The following WAC variants were observed in gnomAD, a reference collection of about 807,000 sequenced individuals.
The protein encoded by WAC is WW domain-containing adapter protein with coiled-coil.
A neutral mutation model predicts 79.6 loss-of-function variants in WAC; 11 were observed. The observed-to-expected ratio is 0.14, with a 90% confidence interval of 0.09 to 0.23. The LOEUF (loss-of-function observed/expected upper bound fraction) is 0.23, where lower values mean the gene tolerates loss of function less well. Ranked by LOEUF, WAC falls within the 10% of genes least tolerant of loss-of-function variation. WAC has a pLI of 1.00. For synonymous variants in WAC, 304 were observed against 276.9 expected (o/e 1.10, Z -0.97); for missense variants, 728 against 773.5 (o/e 0.94, Z 0.70).
chr10:28,588,744 A>G (rs1839942353), intron 4 of WAC: 1 of 152,138 alleles, frequency 6.6e-6, no homozygotes. Flanking sequence ...TAATTTTTCT[A>G]AATTGACAAT....
chr10:28,609,928 T>A (rs1841147601), intron 8 of WAC, among the ~76,000 whole-genome samples: 2 of 143,262 alleles, frequency 1.4e-5, no homozygotes, highest in South Asian at 4.4e-4. Context: ...CCTAAATACT[T>A]TTTTTTTTTT....
intron 8 of WAC, 54 bp from the exon 9 acceptor site, chr10:28,610,645 A>G: frequency 6.6e-7 from 1 of 1,525,008 alleles, no homozygotes; most frequent in Non-Finnish European, 8.8e-7. Flanking sequence ...GTTGTTACTA[A>G]TGCCACATAA....
chr10:28,608,704 C>T (rs1198216043), intron 8 of WAC: 4 of 361,308 alleles, frequency 1.1e-5, no homozygotes, highest in Non-Finnish European at 2.0e-5. Context: ...GTAAGCCATT[C>T]TATATACATA....
rs1409217811 is a variant in WAC at position 28,622,955 on chromosome 10, G to T, written c.*3349G>T. ...TACCTGTAAATATGGCTATATTCTT[G>T]TATTTGTACGGGAGTGTACAAAATG... On this transcript the variant is annotated 3_prime_UTR_variant, in exon 14 of 14. Coordinates refer to ENST00000354911, the MANE Select transcript of WAC (RefSeq NM_016628.5). 1 of 152,088 alleles carries T rather than the reference G, an allele frequency of 6.6e-6. No homozygotes were observed. Among genetic ancestry groups the T allele is most frequent in the Admixed American group, 6.6e-5 (1 of 15,260 alleles). 9.4% of individuals were successfully genotyped at this position (152,088 alleles called of 1,614,324 possible).
chr10:28,583,844 T>C (rs901038693), intron 4 of WAC, among the ~76,000 whole-genome samples: 2 of 152,174 alleles, frequency 1.3e-5, no homozygotes, highest in African/African-American at 4.8e-5. Flanking sequence ...GCTTACTTTC[T>C]TTCCATAGTG....
Position 28,545,999 on chromosome 10 carries a change from C to G in WAC, c.274+10242C>G, listed in dbSNP as rs148224939. ...GTTAGTAGAGTATACTTAGGCTGAT[C>G]TTAGGTGTTAACAAAAGATTTCCTA... is the stretch of plus-strand genomic sequence containing the variant. On this transcript the variant is annotated intron_variant, in intron 3 of 13. Coordinates refer to ENST00000354911, the MANE Select transcript of WAC (RefSeq NM_016628.5). 3.5e-3 allele frequency among the ~76,000 whole-genome samples: 530 copies of G among 152,262 alleles called. 4 individuals are homozygous for G. The highest frequency in any genetic ancestry group is 0.012 in the African/African-American group (479 of 41,544).
intron 3 of WAC, among the ~76,000 whole-genome samples, chr10:28,538,596 A>G (rs1211454270): frequency 1.3e-5 from 2 of 151,338 alleles, no homozygotes; most frequent in African/African-American, 4.9e-5. Flanking sequence ...AAAAAAAAAA[A>G]AAAAAGAATT....
intron 3 of WAC, 40 bp from the exon 4 acceptor site, chr10:28,583,359 C>A: frequency 7.1e-7 from 1 of 1,405,674 alleles, no homozygotes; most frequent in Non-Finnish European, 9.7e-7. Context: ...ACATGAAATA[C>A]AGTTTACTTG....
chr10:28,541,411 G>A lies in WAC; in HGVS notation c.274+5654G>A. Among the ~76,000 whole-genome samples, 2 of 71,720 alleles carry A rather than the reference G, an allele frequency of 2.8e-5. 1 individual carries two copies. The highest frequency in any genetic ancestry group is 8.9e-5 in the African/African-American group (2 of 22,376). 47.1% of individuals were successfully genotyped at this position (71,720 alleles called of 152,430 possible). A position where few individuals can be genotyped will look rare whatever the true frequency, so the allele number is the denominator to read the frequency against. On this transcript the variant is annotated intron_variant, in intron 3 of 13. Transcript: ENST00000354911. ...CCAATTTTTGTGGGGTTGTGTGTGTGTGTGTTTTGTTTTTTTTTTTTTTTT... is the reference window on the plus strand; with the variant it reads ...CCAATTTTTGTGGGGTTGTGTGTGTATGTGTTTTGTTTTTTTTTTTTTTTT...
intron 2 of WAC, among the ~76,000 whole-genome samples, chr10:28,534,817 T>C (rs1836538715): frequency 6.6e-6 from 1 of 152,018 alleles, no homozygotes; most frequent in Non-Finnish European, 1.5e-5. Context: ...GAAAACACTG[T>C]CTTCTGATAT....
chr10:28,607,852 G>A (rs530702072), intron 7 of WAC, among the ~76,000 whole-genome samples: 1 of 152,210 alleles, frequency 6.6e-6, no homozygotes, highest in Non-Finnish European at 1.5e-5. Context: ...ATTTGAATGT[G>A]TGGTTAATAA....
chr10:28,591,059 T>C (rs1840057355), intron 6 of WAC: 1 of 433,922 alleles, frequency 2.3e-6, no homozygotes, highest in African/African-American at 2.1e-5. Context: ...ATTATGGCTA[T>C]AATGGAGTTG....
chr10:28,614,472 CCACA>C, intron 10 of WAC, 91 bp from the exon 11 acceptor site: 5 of 271,040 alleles, frequency 1.8e-5, no homozygotes, highest in South Asian at 3.9e-5. Context: ...AACTTGACTG[CCACA>C]TTTTACATGT....
intron 3 of WAC, among the ~76,000 whole-genome samples, chr10:28,572,878 G>A (rs984277156): frequency 3.9e-5 from 6 of 152,134 alleles, no homozygotes; most frequent in African/African-American, 1.4e-4. Context: ...TCAGATGGCA[G>A]GGGTCAAAAG....
At chr10:28,598,992 T>C (rs1291902740) in intron 7 of WAC, among the ~76,000 whole-genome samples, 7 of 152,240 alleles carry the variant, frequency 4.6e-5, no homozygotes, top group Admixed American at 4.6e-4. Flanking sequence ...ATAAGTTTTA[T>C]AGCAACTTTA....
chr10:28,590,871 C>A, intron 6 of WAC, 39 bp downstream of exon 6: 1 of 1,452,054 alleles, frequency 6.9e-7, no homozygotes, highest in Non-Finnish European at 9.5e-7. Context: ...GTATGTTTGA[C>A]TTATTCGTAT....
chr10:28,586,271 A>G (rs1839817986), intron 4 of WAC, among the ~76,000 whole-genome samples: 1 of 152,214 alleles, frequency 6.6e-6, no homozygotes, highest in Admixed American at 6.5e-5. Context: ...TTAACATTTA[A>G]TGTACTTCCC....
chr10:28,614,801 A>G lies in WAC; in HGVS notation c.1556+116A>G, dbSNP rs908446623. On this transcript the variant is annotated intron_variant, in intron 11 of 13. Transcript: ENST00000354911. ...AACCTTTAAACTCCATGAATACCCTAAAGTAGGCTTACATGTTGTAAAATT... is the reference window on the plus strand; with the variant it reads ...AACCTTTAAACTCCATGAATACCCTGAAGTAGGCTTACATGTTGTAAAATT... The G allele has an allele frequency of 2.4e-5, 21 of 857,388 alleles. No homozygotes were observed. In the South Asian group the frequency reaches 3.1e-4, roughly 13 times the overall value. The allele number at this position is 857,388 out of a possible 1,614,324, so 53.1% of individuals were successfully genotyped here. A position where few individuals can be genotyped will look rare whatever the true frequency, so the allele number is the denominator to read the frequency against.
At chr10:28,593,554 A>AG (rs1331380204) in intron 6 of WAC, among the ~76,000 whole-genome samples, 2 of 151,884 alleles carry the variant, frequency 1.3e-5, no homozygotes, top group East Asian at 3.9e-4. Context: ...GATCATCTGA[A>AG]GTCAAGAGTT....
Sources: gnomAD v4.1 joint callset for allele counts (sites outside exome capture counted in the v4.1 genomes callset) on GRCh38, gnomAD v4.1.1 for gene constraint, MANE v1.5 for transcripts, NCBI Gene and HGNC (gene_info 2026-07-23, HGNC 2026-07-21) for gene names.